Variants in OR7D2 observed in about 807,000 individuals in gnomAD.
The protein encoded by OR7D2 is olfactory receptor family 7 subfamily D member 2.
For synonymous variants in OR7D2, 158 were observed against 158.7 expected (o/e 1.00, Z 0.03); for missense variants, 370 against 384.1 (o/e 0.96, Z 0.31).
chr19:9,179,734 A>T (rs2050977485), intron 1 of OR7D2, among the ~76,000 whole-genome samples: 1 of 152,008 alleles, frequency 6.6e-6, no homozygotes, highest in Non-Finnish European at 1.5e-5. Flanking sequence ...GGCCGGGTGC[A>T]GTGGCTCATG....
chr19:9,180,143 A>G (rs1053065020), intron 1 of OR7D2, among the ~76,000 whole-genome samples: 1 of 152,104 alleles, frequency 6.6e-6, no homozygotes, highest in African/African-American at 2.4e-5. Context: ...GGCTGTTTGC[A>G]GATACATAAG....
At chr19:9,181,952 A>G (rs2050992414) in intron 2 of OR7D2, among the ~76,000 whole-genome samples, 1 of 152,194 alleles carries the variant, frequency 6.6e-6, no homozygotes, top group Non-Finnish European at 1.5e-5. Context: ...AATCTCCTTG[A>G]CCATGTAATA....
At position 9,186,218 on chromosome 19, in the gene OR7D2, T is replaced by C. The variant is rs755851815; in HGVS notation, c.437T>C (p.Phe146Ser). 6.2e-7 allele frequency: 1 copy of C among 1,614,164 alleles called. No homozygotes were observed. The highest frequency in any genetic ancestry group is 8.5e-7 in the Non-Finnish European group (1 of 1,180,030). The change falls in exon 3 of 3, where the codon TTT becomes TCT. Residue 146 changes from phenylalanine (F) to serine (S), a missense_variant. Physicochemically the swap from Phe to Ser is radical, Grantham distance 155. Coordinates refer to ENST00000641288, the MANE Select transcript of OR7D2 (RefSeq NM_175883.4). ...MNPHLCGLLV[F>S]VTWLIGVMTS... ...CCCCACCTCTGTGGCCTCCTGGTTT[T>C]TGTCACCTGGCTCATTGGTGTCATG...
chr19:9,180,167 C>G (rs1278722104), intron 1 of OR7D2, among the ~76,000 whole-genome samples: 5 of 151,246 alleles, frequency 3.3e-5, no homozygotes, highest in African/African-American at 1.2e-4. Context: ...GCTGATGACA[C>G]TGATTAGTTG....
chr19:9,184,200 G>A (rs2051013371), intron 2 of OR7D2, among the ~76,000 whole-genome samples: 1 of 151,582 alleles, frequency 6.6e-6, no homozygotes, highest in Non-Finnish European at 1.5e-5. Flanking sequence ...TTCAAGACCA[G>A]CCTGGTCAAC....
chr19:9,183,568 A>G (rs2051006484), intron 2 of OR7D2, among the ~76,000 whole-genome samples: 1 of 151,976 alleles, frequency 6.6e-6, no homozygotes, highest in African/African-American at 2.4e-5. Context: ...GTGAGCCACC[A>G]TGCCTGACCT....
At chr19:9,183,046 C>T in intron 2 of OR7D2, 1 of 355,916 alleles carries the variant, frequency 2.8e-6, no homozygotes. Context: ...TCTCACCATC[C>T]ATTTTGTTCT....
In OR7D2 at chr19:9,186,467, C is replaced by A. The variant is rs755080974; in HGVS notation, c.686C>A (p.Ser229Tyr). The A allele has an allele frequency of 6.2e-7, 1 of 1,614,060 alleles. No individual in the cohort carries two copies. Among genetic ancestry groups the A allele is most frequent in the Non-Finnish European group, 8.5e-7 (1 of 1,180,012 alleles). Residue 229 changes from serine (S) to tyrosine (Y), a missense_variant, in exon 3 of 3, where the codon TCC becomes TAC. By Grantham distance (144) the Ser-to-Tyr change is moderately radical. Transcript: ENST00000641288. ...ATTGCTTCATCCATAAGGAAGATGT[C>A]CTCATCTGGGGGAAAACAAAAAGCA... ...SRIASSIRKM[S>Y]SSGGKQKALS...
In OR7D2 at chr19:9,186,028, G is replaced by A. The variant is rs1203464124; in HGVS notation, c.247G>A (p.Val83Met). Residue 83 changes from valine to methionine, a missense_variant, in exon 3 of 3, where the codon GTG becomes ATG. Transcript: ENST00000641288. ...CACTTGCATCGTCCCCAAGATGCTG[G>A]TGAACATCCAGACCGAGAACAAAGC... ...FSTCIVPKML[V>M]NIQTENKAIS... 6.8e-6 allele frequency: 11 copies of A among 1,613,980 alleles called. No individual in the cohort carries two copies.
intron 2 of OR7D2, chr19:9,183,039 C>T (rs1005432597): frequency 5.3e-6 from 2 of 373,932 alleles, no homozygotes; most frequent in South Asian, 2.5e-5. Flanking sequence ...GTTTTCTTCT[C>T]ACCATCCATT....
Position 9,186,281 on chromosome 19 carries a change from T to C in OR7D2, c.500T>C (p.Ile167Thr), listed in dbSNP as rs2051032621. ...LLHISLMMHL[I>T]FCKDFEIPHF... Reference sequence around the variant, plus strand: ...CATATTTCTCTGATGATGCATCTAATCTTCTGTAAAGATTTTGAAATTCCA... The same window carrying C: ...CATATTTCTCTGATGATGCATCTAACCTTCTGTAAAGATTTTGAAATTCCA... Residue 167 changes from isoleucine (I) to threonine (T), a missense_variant, in exon 3 of 3, where the codon ATC (isoleucine) becomes ACC (threonine). Ile to Thr is a moderately conservative substitution (Grantham distance 89, BLOSUM62 -1). Coordinates refer to ENST00000641288, the MANE Select transcript of OR7D2 (RefSeq NM_175883.4). 1 of 1,614,138 alleles carries C rather than the reference T, an allele frequency of 6.2e-7. No homozygotes were observed. Among genetic ancestry groups the C allele is most frequent in the South Asian group, 1.1e-5 (1 of 91,062 alleles).
At chr19:9,185,163 A>T (rs1467865191) in intron 2 of OR7D2, among the ~76,000 whole-genome samples, 1 of 152,200 alleles carries the variant, frequency 6.6e-6, no homozygotes, top group African/African-American at 2.4e-5. Context: ...GATTTATGCT[A>T]CATCAGTAGA....
intron 2 of OR7D2, among the ~76,000 whole-genome samples, chr19:9,183,885 G>A (rs1158609076): frequency 7.1e-6 from 1 of 141,116 alleles, no homozygotes; most frequent in African/African-American, 2.6e-5. Flanking sequence ...TGAACCCCAG[G>A]GGGCGGAGCC....
rs143714319 is a variant in OR7D2 at position 9,186,513 on chromosome 19, C to T, written c.732C>T (p.His244=). 1.1e-4 allele frequency: 173 copies of T among 1,613,944 alleles called. No individual in the cohort carries two copies. The highest frequency in any genetic ancestry group is 1.4e-4 in the Non-Finnish European group (164 of 1,179,996). The change falls in exon 3 of 3, where the codon CAC becomes CAT. Residue 244 remains histidine, a synonymous_variant. Transcript: ENST00000641288. ...AAGCACTTTCCACCTGTGGGTCTCA[C>T]CTCTCCGTCGTTTCTTTATTTTATG... ...KQKALSTCGS[H]LSVVSLFYGT... is the part of the protein sequence containing the mutation.
At chr19:9,183,347 T>C (rs2051004948) in intron 2 of OR7D2, among the ~76,000 whole-genome samples, 1 of 152,164 alleles carries the variant, frequency 6.6e-6, no homozygotes, top group Admixed American at 6.5e-5. Flanking sequence ...CAATCTCAGC[T>C]CACTGCATCC....
chr19:9,186,640 C>T lies in OR7D2; in HGVS notation c.859C>T (p.Pro287Ser), dbSNP rs2051038342. ...CACTGTGGTCACCCCCATGTTGAAC[C>T]CCTTCATCTACAGCCTGAGGAACAA... ...MYTVVTPMLN[P>S]FIYSLRNKDV... The change falls in exon 3 of 3, where the codon CCC becomes TCC. Residue 287 changes from proline (P) to serine (S), a missense_variant. Pro to Ser is a moderately conservative substitution (Grantham distance 74). Transcript: ENST00000641288. The T allele has an allele frequency of 3.7e-6, 6 of 1,614,094 alleles. No homozygotes were observed. The highest frequency in any genetic ancestry group is 4.2e-6 in the Non-Finnish European group (5 of 1,180,016).
chr19:9,186,042 C>T lies in OR7D2; in HGVS notation c.261C>T (p.Thr87=), dbSNP rs139213903. The change falls in exon 3 of 3, where the codon ACC becomes ACT. Residue 87 remains threonine, a synonymous_variant. Transcript: ENST00000641288. ...IVPKMLVNIQ[T]ENKAISYMDC... Reference sequence around the variant, plus strand: ...CCAAGATGCTGGTGAACATCCAGACCGAGAACAAAGCCATCTCCTACATGG... The same window carrying T: ...CCAAGATGCTGGTGAACATCCAGACTGAGAACAAAGCCATCTCCTACATGG... 10 of 1,613,974 alleles carry T rather than the reference C, an allele frequency of 6.2e-6. No homozygotes were observed. The Admixed American group carries it at 6.7e-5, about 11-fold the overall frequency.
rs1307189926 is a variant in OR7D2 at position 9,187,789 on chromosome 19, G to GA, written c.*1069_*1070insA. 6.0e-6 allele frequency: 1 copy of GA among 166,402 alleles called. No homozygotes were observed. Among genetic ancestry groups the GA allele is most frequent in the African/African-American group, 2.4e-5 (1 of 41,432 alleles). 10.3% of individuals were successfully genotyped at this position (166,402 alleles called of 1,614,324 possible). Reference sequence around the variant, plus strand: ...TGGTTGAACATACAAACAAGTCCAGGTTTTTCATTCCTGAGTTACTTCACC... The same window carrying GA: ...TGGTTGAACATACAAACAAGTCCAGGATTTTTCATTCCTGAGTTACTTCACC... On this transcript the variant is annotated 3_prime_UTR_variant, in exon 3 of 3. Coordinates refer to ENST00000641288, the MANE Select transcript of OR7D2 (RefSeq NM_175883.4).
chr19:9,184,370 C>T (rs143607782), intron 2 of OR7D2, among the ~76,000 whole-genome samples: 257 of 151,840 alleles, frequency 1.7e-3, no homozygotes, highest in African/African-American at 6.1e-3. Flanking sequence ...GCTGAGATCA[C>T]GCCACTGCAC....
Sources: gnomAD v4.1 joint callset for allele counts (sites outside exome capture counted in the v4.1 genomes callset) on GRCh38, gnomAD v4.1.1 for gene constraint, MANE v1.5 for transcripts, NCBI Gene and HGNC (gene_info 2026-07-23, HGNC 2026-07-21) for gene names.